Variants in TFG observed in about 807,000 individuals in gnomAD.
TFG encodes the protein protein TFG.
Under a neutral mutation model 51.4 loss-of-function variants are expected in TFG, and 22 were observed. The ratio of observed to expected loss-of-function variants is 0.43; its 90% CI spans 0.31 to 0.61. TFG has a LOEUF of 0.61. Ranked by LOEUF, TFG falls within the 20% of genes least tolerant of loss-of-function variation. The pLI, the probability that TFG is intolerant of heterozygous loss-of-function variation, is 0.12. For missense variants in TFG, 419 were observed against 487.7 expected (o/e 0.86, Z 1.33); for synonymous variants, 187 against 165.6 (o/e 1.13, Z -0.99).
chr3:100,710,930 C>G (rs966998624), intron 1 of TFG: 1 of 152,188 alleles, frequency 6.6e-6, no homozygotes. Context: ...AGTTTTGTTG[C>G]ACACTTACTT....
chr3:100,720,837 A>C (rs1428047049), intron 3 of TFG, among the ~76,000 whole-genome samples: 1 of 152,264 alleles, frequency 6.6e-6, no homozygotes, highest in East Asian at 1.9e-4. Context: ...TTAAGGGACA[A>C]GATAGAAAAG....
At position 100,709,617 on chromosome 3, in the gene TFG, G is replaced by C. The variant is rs988121246; in HGVS notation, c.-148G>C. ...CGGCGGTCGCGAAGGGCAACCGAGGGGGCCGTGACCACCGCCTCCCCGCGA... is the reference window on the plus strand; with the variant it reads ...CGGCGGTCGCGAAGGGCAACCGAGGCGGCCGTGACCACCGCCTCCCCGCGA... On this transcript the variant is annotated 5_prime_UTR_variant, in exon 1 of 8. Transcript: ENST00000240851. 2.6e-5 allele frequency: 4 copies of C among 151,370 alleles called. No homozygotes were observed. The highest frequency in any genetic ancestry group is 9.7e-5 in the African/African-American group (4 of 41,130). 9.4% of individuals were successfully genotyped at this position (151,370 alleles called of 1,614,324 possible).
At chr3:100,745,257 C>G (rs1482564178) in intron 7 of TFG, among the ~76,000 whole-genome samples, 1 of 152,062 alleles carries the variant, frequency 6.6e-6, no homozygotes, top group Non-Finnish European at 1.5e-5. Flanking sequence ...CCCCTTCCCT[C>G]CACCTCTCCA....
At chr3:100,722,871 A>C (rs1483942369) in intron 3 of TFG, among the ~76,000 whole-genome samples, 4 of 152,234 alleles carry the variant, frequency 2.6e-5, no homozygotes, top group African/African-American at 9.6e-5. Flanking sequence ...AGTGGTCTTC[A>C]TCAAGAAGGA....
At chr3:100,721,230 A>G (rs1316950774) in intron 3 of TFG, among the ~76,000 whole-genome samples, 1 of 152,176 alleles carries the variant, frequency 6.6e-6, no homozygotes, top group Non-Finnish European at 1.5e-5. Context: ...GTGTTTTCTG[A>G]ATTCTGTAAC....
At chr3:100,714,377 T>G (rs936952334) in intron 2 of TFG, among the ~76,000 whole-genome samples, 1 of 152,054 alleles carries the variant, frequency 6.6e-6, no homozygotes, top group Non-Finnish European at 1.5e-5. Flanking sequence ...GGTGTGCGCC[T>G]GTAATCCCAA....
chr3:100,736,881 A>T (rs1354714739), intron 6 of TFG, among the ~76,000 whole-genome samples, 165 bp downstream of exon 6: 3 of 152,240 alleles, frequency 2.0e-5, no homozygotes, highest in Non-Finnish European at 2.9e-5. Flanking sequence ...ACAATATGTC[A>T]GGTATGTTTC....
intron 5 of TFG, among the ~76,000 whole-genome samples, chr3:100,733,153 A>G (rs954634096): frequency 2.0e-5 from 3 of 152,024 alleles, no homozygotes; most frequent in Admixed American, 6.5e-5. Flanking sequence ...AGCAGTACCT[A>G]TATTGTTTTA....
At chr3:100,743,809 T>C (rs1333705207) in intron 6 of TFG, 1 of 152,032 alleles carries the variant, frequency 6.6e-6, no homozygotes, top group Non-Finnish European at 1.5e-5. Flanking sequence ...ATGTCTTTTT[T>C]TTTTTCTCAC....
intron 6 of TFG, among the ~76,000 whole-genome samples, chr3:100,739,539 C>T (rs2095115700): frequency 6.6e-6 from 1 of 152,072 alleles, no homozygotes; most frequent in Non-Finnish European, 1.5e-5. Context: ...TGCTGTTTGA[C>T]AGCCTAAAAA....
At chr3:100,711,253 C>T (rs2095030581) in intron 1 of TFG, among the ~76,000 whole-genome samples, 1 of 152,146 alleles carries the variant, frequency 6.6e-6, no homozygotes, top group South Asian at 2.1e-4. Flanking sequence ...CAGGCGTGCG[C>T]CACGACAACT....
At chr3:100,709,916 G>C (rs1320464711) in intron 1 of TFG, 195 bp downstream of exon 1, 2 of 121,320 alleles carry the variant, frequency 1.6e-5, no homozygotes, top group East Asian at 6.5e-4. Context: ...GGGCGGGCGG[G>C]GCCTTGCATG....
chr3:100,747,026 CTTAATAAA>C (rs2095136656), intron 7 of TFG, among the ~76,000 whole-genome samples: 1 of 152,136 alleles, frequency 6.6e-6, no homozygotes, highest in Non-Finnish European at 1.5e-5. Context: ...TAAGCTTGCT[CTTAATAAA>C]TTTAGTCAGG....
intron 6 of TFG, 32 bp downstream of exon 6, chr3:100,736,748 A>G (rs2095107646): frequency 1.2e-6 from 2 of 1,603,968 alleles, no homozygotes; most frequent in Non-Finnish European, 1.7e-6. Context: ...ATGTTTGGGA[A>G]AGTACATGTG....
At chr3:100,745,811 G>A (rs1183758373) in intron 7 of TFG, among the ~76,000 whole-genome samples, 4 of 152,112 alleles carry the variant, frequency 2.6e-5, no homozygotes, top group Non-Finnish European at 4.4e-5. Flanking sequence ...TTTGAATAAA[G>A]TTTTATTGGA....
At chr3:100,747,615 G>T (rs2095142963) in intron 7 of TFG, among the ~76,000 whole-genome samples, 1 of 151,892 alleles carries the variant, frequency 6.6e-6, no homozygotes, top group Non-Finnish European at 1.5e-5. Context: ...ATTTTGAGTT[G>T]TAAAGGCAAA....
At chr3:100,738,178 G>A (rs992366556) in intron 6 of TFG, among the ~76,000 whole-genome samples, 3 of 151,996 alleles carry the variant, frequency 2.0e-5, no homozygotes, top group Admixed American at 6.6e-5. Context: ...AGTGGTTTGC[G>A]AAGAATTTCT....
chr3:100,743,998 T>G (rs1006021847), intron 6 of TFG: 2 of 152,014 alleles, frequency 1.3e-5, no homozygotes, highest in Non-Finnish European at 2.9e-5. Context: ...GTGAAATAAT[T>G]GAGAAGTAGA....
At chr3:100,723,900 C>T (rs1219501676) in intron 3 of TFG, among the ~76,000 whole-genome samples, 1 of 151,544 alleles carries the variant, frequency 6.6e-6, no homozygotes, top group African/African-American at 2.4e-5. Context: ...TCCAGAAAAT[C>T]CCAAAATGTA....
Sources: gnomAD v4.1 joint callset for allele counts (sites outside exome capture counted in the v4.1 genomes callset) on GRCh38, gnomAD v4.1.1 for gene constraint, MANE v1.5 for transcripts, NCBI Gene and HGNC (gene_info 2026-07-23, HGNC 2026-07-21) for gene names.